The following GUCY2C variants were observed in gnomAD, a reference collection of about 807,000 sequenced individuals.
The protein encoded by GUCY2C is guanylate cyclase 2C, also known as guanylyl cyclase C.
GUCY2C carries 118 observed loss-of-function variants against 131.1 expected under a neutral mutation model. The observed-to-expected ratio is 0.90, with a 90% CI of 0.78 to 1.05. GUCY2C has a LOEUF of 1.05. GUCY2C is among the 50% of genes least tolerant of loss of function. GUCY2C has a pLI of 0.00. For missense variants in GUCY2C, 1,161 were observed against 1,304.4 expected (o/e 0.89, Z 1.69); for synonymous variants, 452 against 457.8 (o/e 0.99, Z 0.16).
At chr12:14,630,874 A>G (rs1430207012) in intron 19 of GUCY2C, among the ~76,000 whole-genome samples, 1 of 152,188 alleles carries the variant, frequency 6.6e-6, no homozygotes, top group Non-Finnish European at 1.5e-5. Context: ...ATGCTGTTTT[A>G]GTGAATAAGG....
intron 24 of GUCY2C, among the ~76,000 whole-genome samples, chr12:14,617,310 T>A (rs1027960079): frequency 2.6e-5 from 4 of 152,152 alleles, no homozygotes; most frequent in Non-Finnish European, 4.4e-5. Flanking sequence ...AGAAATATAA[T>A]CTCACGTGGG....
chr12:14,639,159 G>A (rs1269729236), intron 19 of GUCY2C, among the ~76,000 whole-genome samples: 7 of 152,066 alleles, frequency 4.6e-5, no homozygotes, highest in Non-Finnish European at 8.8e-5. Flanking sequence ...TTAGCTGGGT[G>A]TGGTGGCAGG....
intron 17 of GUCY2C, among the ~76,000 whole-genome samples, chr12:14,641,540 G>A (rs535519508): frequency 1.3e-5 from 2 of 152,282 alleles, no homozygotes; most frequent in Admixed American, 1.3e-4. Flanking sequence ...TCTGATTGTG[G>A]TAAATGCTCA....
intron 4 of GUCY2C, 126 bp from the exon 5 acceptor site, chr12:14,681,603 A>G: frequency 2.7e-6 from 2 of 745,148 alleles, no homozygotes; most frequent in Non-Finnish European, 4.5e-6. Context: ...TATTAACACA[A>G]TAGACAGCAC....
chr12:14,658,700 A>T (rs1947808133), intron 11 of GUCY2C, among the ~76,000 whole-genome samples: 1 of 152,144 alleles, frequency 6.6e-6, no homozygotes, highest in South Asian at 2.1e-4. Flanking sequence ...AATTTTAAAA[A>T]GTCATTTTTA....
intron 6 of GUCY2C, 105 bp downstream of exon 6, chr12:14,679,552 C>T (rs970501780): frequency 8.6e-5 from 58 of 678,308 alleles, no homozygotes; most frequent in Non-Finnish European, 1.3e-4. Flanking sequence ...TACTTAACCC[C>T]ATAAGGGGTT....
In GUCY2C at chr12:14,613,034, A is replaced by C; in HGVS notation, c.*83T>G. 1.7e-6 allele frequency: 2 copies of C among 1,145,290 alleles called. No homozygotes were observed. The highest frequency in any genetic ancestry group is 4.9e-4 in the Middle Eastern group (2 of 4,100). The allele number at this position is 1,145,290 out of a possible 1,614,324, so 70.9% of individuals were successfully genotyped here. A position where few individuals can be genotyped will look rare whatever the true frequency, so the allele number is the denominator to read the frequency against. ...TCTGCTTCATTGAGGTCTCAGGAAAATGTAAGCTTTCAGGACACTTGAGGT... is the reference window on the plus strand; with the variant it reads ...TCTGCTTCATTGAGGTCTCAGGAAACTGTAAGCTTTCAGGACACTTGAGGT... On this transcript the variant is annotated 3_prime_UTR_variant, in exon 27 of 27. Transcript: ENST00000261170. The surrounding 1 kb of genome is among the most constrained non-coding windows in gnomAD (Gnocchi z 4.9).
At chr12:14,649,701 GATAAA>G (rs1947602499) in intron 15 of GUCY2C, among the ~76,000 whole-genome samples, 1 of 152,112 alleles carries the variant, frequency 6.6e-6, no homozygotes, top group Non-Finnish European at 1.5e-5. Context: ...AATTGATACT[GATAAA>G]ATAAATACAA....
chr12:14,635,578 C>T (rs1048863608), intron 19 of GUCY2C, among the ~76,000 whole-genome samples: 5 of 151,376 alleles, frequency 3.3e-5, no homozygotes, highest in Non-Finnish European at 5.9e-5. Context: ...ACCCAAAGTT[C>T]GTAGAGGGAA....
intron 10 of GUCY2C, among the ~76,000 whole-genome samples, chr12:14,664,314 A>G (rs1947926667): frequency 6.6e-6 from 1 of 152,124 alleles, no homozygotes; most frequent in African/African-American, 2.4e-5. Context: ...CAGAAAACGA[A>G]AGTGAGTACA....
Position 14,676,939 on chromosome 12 carries a change from G to C in GUCY2C, c.863C>G (p.Pro288Arg). The change falls in exon 7 of 27, where the codon CCT becomes CGT. Residue 288 changes from proline to arginine, a missense_variant. Pro to Arg is a moderately radical substitution (Grantham distance 103, BLOSUM62 -2). Transcript: ENST00000261170. ...AACAAGGACATTTTTCATATAGTCAGGGGCTGTGACATTGTCCTCAAAGTA... is the reference window on the plus strand; with the variant it reads ...AACAAGGACATTTTTCATATAGTCACGGGCTGTGACATTGTCCTCAAAGTA... ...DQYFEDNVTA[P>R]DYMKNVLVLT... 6.4e-7 allele frequency: 1 copy of C among 1,560,054 alleles called. No individual in the cohort carries two copies. Among genetic ancestry groups the C allele is most frequent in the South Asian group, 1.2e-5 (1 of 84,450 alleles).
intron 4 of GUCY2C, 66 bp downstream of exon 4, chr12:14,682,976 G>T: frequency 2.0e-6 from 2 of 1,018,662 alleles, no homozygotes; most frequent in Non-Finnish European, 3.1e-6. Context: ...ATAACTAGGT[G>T]GCCTGCATGA....
intron 19 of GUCY2C, among the ~76,000 whole-genome samples, chr12:14,629,498 A>G (rs892284795): frequency 6.6e-6 from 1 of 152,196 alleles, no homozygotes; most frequent in African/African-American, 2.4e-5. Flanking sequence ...GCATACTTAC[A>G]TGTAGACATA....
chr12:14,654,538 C>A (rs1194391855), intron 12 of GUCY2C, among the ~76,000 whole-genome samples: 3 of 152,140 alleles, frequency 2.0e-5, no homozygotes, highest in Non-Finnish European at 4.4e-5. Context: ...TTTCCTTGGT[C>A]AGGTGACTCA....
chr12:14,678,667 G>A (rs114282664), intron 6 of GUCY2C, among the ~76,000 whole-genome samples: 2,203 of 152,288 alleles, frequency 0.014, 60 homozygotes, highest in African/African-American at 0.049. Context: ...TGGGTGAAAT[G>A]ATCAGGCAAA....
rs1334425116 is a variant in GUCY2C at position 14,672,879 on chromosome 12, G to C, written c.1164C>G (p.Thr388=). Residue 388 remains threonine, a synonymous_variant, in exon 9 of 27, where the codon ACC becomes ACG. Transcript: ENST00000261170. ...TMVLLYTSVD[T]KKYKVLLTYD... ...GATAAGCAGTGAGACATACTTTCTT[G>C]GTGTCCACAGAGGTATACAGAAGCA... is the stretch of plus-strand genomic sequence containing the variant. 1 of 1,581,618 alleles carries C rather than the reference G, an allele frequency of 6.3e-7. No individual in the cohort carries two copies. The highest frequency in any genetic ancestry group is 8.7e-7 in the Non-Finnish European group (1 of 1,151,062).
chr12:14,625,571 G>A (rs1946996417), intron 21 of GUCY2C, among the ~76,000 whole-genome samples, 186 bp downstream of exon 21: 1 of 152,162 alleles, frequency 6.6e-6, no homozygotes, highest in African/African-American at 2.4e-5. Context: ...CTGACCTCAT[G>A]ATCCACCTGC....
chr12:14,676,822 A>C, intron 7 of GUCY2C, 32 bp downstream of exon 7: 1 of 677,248 alleles, frequency 1.5e-6, no homozygotes, highest in Non-Finnish European at 2.2e-6. Context: ...AATAATATAT[A>C]ATTTATACTA....
intron 3 of GUCY2C, among the ~76,000 whole-genome samples, chr12:14,684,831 G>A (rs1948440255): frequency 6.6e-6 from 1 of 151,688 alleles, no homozygotes; most frequent in South Asian, 2.1e-4. Flanking sequence ...GACTACACCT[G>A]GCTAATTTTT....
Sources: gnomAD v4.1 joint callset for allele counts (sites outside exome capture counted in the v4.1 genomes callset) on GRCh38, gnomAD v4.1.1 for gene constraint, Gnocchi (gnomAD v3.1) non-coding constraint, MANE v1.5 for transcripts, NCBI Gene and HGNC (gene_info 2026-07-23, HGNC 2026-07-21) for gene names.